TBCD: variants seen among roughly 807,000 people sequenced by gnomAD.
TBCD encodes tubulin folding cofactor D.
Under a neutral mutation model 169.3 loss-of-function variants are expected in TBCD, and 105 were observed. The ratio of observed to expected loss-of-function variants is 0.62; its 90% CI spans 0.53 to 0.73. The LOEUF is 0.73. Among genes scored for constraint, TBCD ranks in the 30% least tolerant of loss-of-function variants. The pLI is 0.00. For synonymous variants in TBCD, 700 were observed against 643.9 expected, an observed-to-expected ratio of 1.09 and a Z score of -1.32; for missense variants, 1,444 against 1,600.1, an observed-to-expected ratio of 0.90 and a Z score of 1.66.
Position 82,821,904 on chromosome 17 carries a change from A to T in TBCD, c.1318+6970A>T, listed in dbSNP as rs138128029. On this transcript the variant is annotated intron_variant, in intron 13 of 38. Transcript: ENST00000355528. Reference sequence around the variant, plus strand: ...TAATACATTTTATAAATTTCGAAAAAATTTTAATAAACATTAAATTTTTAT... The same window carrying T: ...TAATACATTTTATAAATTTCGAAAATATTTTAATAAACATTAAATTTTTAT... Among the ~76,000 whole-genome samples the T allele has an allele frequency of 2.2e-3, 333 of 152,322 alleles. 1 individual carries two copies. Among genetic ancestry groups the T allele is most frequent in the African/African-American group, 7.2e-3 (298 of 41,574 alleles).
At position 82,874,692 on chromosome 17, in the gene TBCD, T is replaced by C. The variant is rs2057843739; in HGVS notation, c.1475+4312T>C. ...TCCAGGCATCCGGCCGGGCGGGCTG[T>C]GAGTCAGGCTGCACCAGGTGAGCGT... On this transcript the variant is annotated intron_variant, in intron 14 of 38. Coordinates refer to ENST00000355528, the MANE Select transcript of TBCD (RefSeq NM_005993.5). This position sits in a 1 kb window ranked among gnomAD's most constrained non-coding sequence, Gnocchi z 5.0. 6.6e-6 allele frequency among the ~76,000 whole-genome samples: 1 copy of C among 152,194 alleles called. No individual in the cohort carries two copies. Among genetic ancestry groups the C allele is most frequent in the Admixed American group, 6.5e-5 (1 of 15,286 alleles).
chr17:82,839,542 C>G (rs1598842895), intron 13 of TBCD, among the ~76,000 whole-genome samples: 1 of 152,044 alleles, frequency 6.6e-6, no homozygotes, highest in African/African-American at 2.4e-5. Context: ...CCTAAATTCA[C>G]CCTAATGTAC....
intron 13 of TBCD, among the ~76,000 whole-genome samples, chr17:82,846,362 C>A (rs1378516952): frequency 7.1e-6 from 1 of 141,552 alleles, no homozygotes; most frequent in Non-Finnish European, 1.5e-5. Context: ...CCCCTCCATG[C>A]GCTGTGTCCC....
At position 82,864,096 on chromosome 17, in the gene TBCD, G is replaced by T. The variant is rs571585470; in HGVS notation, c.1319-6128G>T. On this transcript the variant is annotated intron_variant, in intron 13 of 38. Transcript: ENST00000355528. This position sits in a 1 kb window ranked among gnomAD's most constrained non-coding sequence, Gnocchi z 6.3. ...GTCTTACCAGTGAAGGGAGCTGCCT[G>T]CTGTTGACGCTCCACAGGAGGTTTG... 2.6e-5 allele frequency among the ~76,000 whole-genome samples: 4 copies of T among 152,362 alleles called. No individual in the cohort carries two copies. The highest frequency in any genetic ancestry group is 4.4e-5 in the Non-Finnish European group (3 of 68,034).
At position 82,909,185 on chromosome 17, in the gene TBCD, T is replaced by G. The variant is rs903722329; in HGVS notation, c.1984-100T>G. ...GGCTCTCCTGGCTGGCATGGCATCT[T>G]CTGCCATTTTCTCTTTGTTCTTGTT... On this transcript the variant is annotated intron_variant, in intron 21 of 38. Coordinates refer to ENST00000355528, the MANE Select transcript of TBCD (RefSeq NM_005993.5). 3 of 1,011,822 alleles carry G rather than the reference T, an allele frequency of 3.0e-6. No individual in the cohort carries two copies. The African/African-American group carries it at 4.8e-5, about 16-fold the overall frequency. 62.7% of individuals were successfully genotyped at this position (1,011,822 alleles called of 1,614,324 possible).
rs113051447 is a variant in TBCD at position 82,833,930 on chromosome 17, A to G, written c.1318+18996A>G. Among the ~76,000 whole-genome samples, 28,954 of 150,746 alleles carry G rather than the reference A, an allele frequency of 0.19. 2,942 individuals carry two copies. The highest frequency in any genetic ancestry group is 0.24 in the Admixed American group (3,665 of 15,156). On this transcript the variant is annotated intron_variant, in intron 13 of 38. Coordinates refer to ENST00000355528, the MANE Select transcript of TBCD (RefSeq NM_005993.5). The surrounding 1 kb of genome is among the most constrained non-coding windows in gnomAD (Gnocchi z 4.7). ...CTTCAGAGGCTGTGCCGCACGCCCA[A>G]GGCTGAGAACAAAGGCTGTTTTTCT...
At chr17:82,863,597 A>G (rs1203687668) in intron 13 of TBCD, among the ~76,000 whole-genome samples, 1 of 152,176 alleles carries the variant, frequency 6.6e-6, no homozygotes, top group Non-Finnish European at 1.5e-5. Flanking sequence ...TTGAGGGGTT[A>G]GTGCTCGGGA....
intron 6 of TBCD, among the ~76,000 whole-genome samples, chr17:82,780,737 C>T (rs886391038): frequency 4.0e-5 from 6 of 149,728 alleles, no homozygotes; most frequent in South Asian, 4.3e-4. Flanking sequence ...CTCCGCCTCC[C>T]GGGTTCACGC....
At chr17:82,788,038 A>G (rs899564766) in intron 7 of TBCD, among the ~76,000 whole-genome samples, 2 of 152,130 alleles carry the variant, frequency 1.3e-5, no homozygotes, top group African/African-American at 4.8e-5. Context: ...GGAGTTTGAT[A>G]CCAGCCTGGC....
chr17:82,773,902 T>C (rs1411195404), intron 6 of TBCD, among the ~76,000 whole-genome samples: 2 of 151,952 alleles, frequency 1.3e-5, no homozygotes, highest in Non-Finnish European at 2.9e-5. Flanking sequence ...AATTTTTTTT[T>C]GTATTTTCAG....
In TBCD at chr17:82,923,149, G is replaced by T. The variant is rs59193339; in HGVS notation, c.2179-503G>T. ...CCTGCCCCGTTACTCTGGGTGCATA[G>T]TGTATGCCTTTTTCTTCATAACTAT... is the stretch of plus-strand genomic sequence containing the variant. On this transcript the variant is annotated intron_variant, in intron 25 of 38. Transcript: ENST00000355528. This position sits in a 1 kb window ranked among gnomAD's most constrained non-coding sequence, Gnocchi z 4.6. 0.054 allele frequency among the ~76,000 whole-genome samples: 8,289 copies of T among 152,288 alleles called. 517 individuals carry two copies. Among genetic ancestry groups the T allele is most frequent in the African/African-American group, 0.15 (6,246 of 41,512 alleles).
chr17:82,769,170 C>G (rs899115023), intron 5 of TBCD, among the ~76,000 whole-genome samples: 15 of 152,190 alleles, frequency 9.9e-5, no homozygotes, highest in Admixed American at 3.9e-4. Context: ...CAAGCTTGCC[C>G]ACAGCTGCAG....
intron 7 of TBCD, among the ~76,000 whole-genome samples, chr17:82,792,393 A>T: frequency 6.6e-6 from 1 of 152,082 alleles, no homozygotes; most frequent in Non-Finnish European, 1.5e-5. Context: ...ATATATATGT[A>T]TATATAAAAT....
chr17:82,834,472 C>G (rs1191347974), intron 13 of TBCD, among the ~76,000 whole-genome samples: 2 of 152,142 alleles, frequency 1.3e-5, no homozygotes, highest in Admixed American at 6.5e-5. Flanking sequence ...GACCCAAATG[C>G]CTATCAGTGA....
At chr17:82,837,478 C>T (rs998989449) in intron 13 of TBCD, among the ~76,000 whole-genome samples, 2 of 152,170 alleles carry the variant, frequency 1.3e-5, no homozygotes, top group Non-Finnish European at 2.9e-5. Flanking sequence ...TAAAGAAGTG[C>T]GGAGCGTCTT....
chr17:82,813,674 T>C (rs1377067453), intron 12 of TBCD, among the ~76,000 whole-genome samples: 1 of 152,220 alleles, frequency 6.6e-6, no homozygotes, highest in Non-Finnish European at 1.5e-5. Context: ...GTTAACTAAA[T>C]CTTTGTGAAA....
chr17:82,792,446 A>G (rs779559992), intron 7 of TBCD, among the ~76,000 whole-genome samples: 2 of 152,238 alleles, frequency 1.3e-5, no homozygotes, highest in African/African-American at 2.4e-5. Flanking sequence ...CTCATTGACC[A>G]GAATGTTCTA....
intron 15 of TBCD, among the ~76,000 whole-genome samples, chr17:82,887,121 T>G (rs2058766824): frequency 6.9e-6 from 1 of 144,554 alleles, no homozygotes; most frequent in Admixed American, 6.9e-5. Flanking sequence ...TCCTTGGTTT[T>G]ACCTGTACTC....
chr17:82,762,299 G>C (rs2047803528), intron 2 of TBCD, among the ~76,000 whole-genome samples: 1 of 132,460 alleles, frequency 7.5e-6, no homozygotes, highest in Non-Finnish European at 1.5e-5. Context: ...CTGGGTGATA[G>C]AGCGAGACTC....
Sources: gnomAD v4.1 joint callset for allele counts (sites outside exome capture counted in the v4.1 genomes callset) on GRCh38, gnomAD v4.1.1 for gene constraint, Gnocchi (gnomAD v3.1) non-coding constraint, MANE v1.5 for transcripts, NCBI Gene and HGNC (gene_info 2026-07-23, HGNC 2026-07-21) for gene names.